The following RABGAP1L variants were observed in gnomAD, a reference collection of about 807,000 sequenced individuals.
The protein encoded by RABGAP1L is RAB GTPase activating protein 1 like.
In RABGAP1L, 63 loss-of-function variants were observed where a neutral mutation model predicts 137.7. That is an observed-to-expected ratio of 0.46 (90% confidence interval 0.37 to 0.56). The LOEUF (loss-of-function observed/expected upper bound fraction) is 0.56. Among genes scored for constraint, RABGAP1L ranks in the 20% least tolerant of loss-of-function variants. The pLI, the probability that RABGAP1L is intolerant of heterozygous loss-of-function variation, is 0.00. For missense variants in RABGAP1L, 1,095 were observed against 1,244.0 expected, an observed-to-expected ratio of 0.88 and a Z score of 1.80; for synonymous variants, 431 against 433.7, an observed-to-expected ratio of 0.99 and a Z score of 0.08.
chr1:174,689,705 A>C lies in RABGAP1L; in HGVS notation c.1899+6109A>C, dbSNP rs116413866. 9.2e-3 allele frequency among the ~76,000 whole-genome samples: 1,395 copies of C among 152,216 alleles called. 23 individuals carry two copies. Among genetic ancestry groups the C allele is most frequent in the African/African-American group, 0.032 (1,335 of 41,520 alleles). ...AAAGTGACACACAACAACACCACCA[A>C]CAACTCCCTCTGTTTTTCTTCCTGT... On this transcript the variant is annotated intron_variant, in intron 15 of 25. Coordinates refer to ENST00000681986, the MANE Select transcript of RABGAP1L (RefSeq NM_001366446.1).
At chr1:174,894,701 C>G in intron 19 of RABGAP1L, among the ~76,000 whole-genome samples, 1 of 151,780 alleles carries the variant, frequency 6.6e-6, no homozygotes, top group East Asian at 1.9e-4. Context: ...AGAGGACTGT[C>G]GAGACTAGAA....
chr1:174,836,272 A>G (rs1262321390), intron 19 of RABGAP1L, among the ~76,000 whole-genome samples: 2 of 152,110 alleles, frequency 1.3e-5, no homozygotes, highest in African/African-American at 4.8e-5. Flanking sequence ...GGAAGCTAAG[A>G]TGTTTGAGGT....
Position 174,729,666 on chromosome 1 carries a change from G to A in RABGAP1L, c.2170-22647G>A, listed in dbSNP as rs192358808. Among the ~76,000 whole-genome samples the A allele has an allele frequency of 6.6e-5, 10 of 152,206 alleles. No homozygotes were observed. The East Asian group carries it at 9.6e-4, about 15-fold the overall frequency. On this transcript the variant is annotated intron_variant, in intron 17 of 25. Coordinates refer to ENST00000681986, the MANE Select transcript of RABGAP1L (RefSeq NM_001366446.1). The stretch of plus-strand genomic sequence containing the variant: ...CATTTAAAAAATGGACAAAGGACAC[G>A]AACAGACACTTCTCAAAAGAAGACA...
intron 13 of RABGAP1L, among the ~76,000 whole-genome samples, chr1:174,445,729 G>A (rs570618828): frequency 3.9e-5 from 6 of 152,176 alleles, no homozygotes; most frequent in Non-Finnish European, 7.3e-5. Context: ...ATGAGCATTA[G>A]ATTACTGCTG....
At chr1:174,563,719 T>A (rs571156351) in intron 13 of RABGAP1L, among the ~76,000 whole-genome samples, 1 of 152,128 alleles carries the variant, frequency 6.6e-6, no homozygotes, top group Non-Finnish European at 1.5e-5. Flanking sequence ...GGAAAATGAT[T>A]TCACTTAATT....
chr1:174,305,875 CATTT>C (rs1678188622), intron 11 of RABGAP1L, among the ~76,000 whole-genome samples: 1 of 152,054 alleles, frequency 6.6e-6, no homozygotes, highest in Non-Finnish European at 1.5e-5. Flanking sequence ...ATTAACTCGT[CATTT>C]ATATTAGGTA....
chr1:174,744,785 A>G (rs976191417), intron 17 of RABGAP1L, among the ~76,000 whole-genome samples: 2 of 152,230 alleles, frequency 1.3e-5, no homozygotes, highest in African/African-American at 4.8e-5. Flanking sequence ...ACCAAATTCA[A>G]TATATAATCC....
chr1:174,622,821 T>A (rs573044511), intron 13 of RABGAP1L, among the ~76,000 whole-genome samples: 9 of 152,336 alleles, frequency 5.9e-5, no homozygotes, highest in South Asian at 2.1e-4. Context: ...AACCTGCACG[T>A]TGTGCACATG....
At position 174,377,414 on chromosome 1, in the gene RABGAP1L, A is replaced by G. The variant is rs532540480; in HGVS notation, c.1559+6342A>G. ...AGCCAAAACAATTTTGAAAGTGAAG[A>G]ACACAATGGAAAGGCATATTACCTG... On this transcript the variant is annotated intron_variant, in intron 12 of 25. Coordinates refer to ENST00000681986, the MANE Select transcript of RABGAP1L (RefSeq NM_001366446.1). Among the ~76,000 whole-genome samples, 298 of 152,306 alleles carry G rather than the reference A, an allele frequency of 2.0e-3. 1 individual carries two copies. Among genetic ancestry groups the G allele is most frequent in the African/African-American group, 6.8e-3 (282 of 41,572 alleles).
chr1:174,901,898 T>C (rs1268510449), intron 19 of RABGAP1L, among the ~76,000 whole-genome samples: 2 of 152,190 alleles, frequency 1.3e-5, no homozygotes, highest in Non-Finnish European at 2.9e-5. Flanking sequence ...GTTTTCTGTT[T>C]GTTTTTCTTT....
intron 13 of RABGAP1L, among the ~76,000 whole-genome samples, chr1:174,590,119 GTTTC>G (rs1669456273): frequency 3.6e-5 from 2 of 55,296 alleles, no homozygotes; most frequent in Non-Finnish European, 7.4e-5. Flanking sequence ...GACCTCTTCA[GTTTC>G]TTTTTTTTTT....
intron 19 of RABGAP1L, among the ~76,000 whole-genome samples, chr1:174,878,555 G>A (rs1653551085): frequency 6.6e-6 from 1 of 152,078 alleles, no homozygotes; most frequent in Admixed American, 6.6e-5. Flanking sequence ...TACAATTGTA[G>A]TAACTTCTTA....
At chr1:174,844,032 A>G (rs1693780987) in intron 19 of RABGAP1L, among the ~76,000 whole-genome samples, 1 of 149,636 alleles carries the variant, frequency 6.7e-6, no homozygotes, top group Non-Finnish European at 1.5e-5. Context: ...TCTTCTTTTG[A>G]GAAGTGTCTG....
intron 19 of RABGAP1L, among the ~76,000 whole-genome samples, chr1:174,813,704 T>C (rs1690108520): frequency 6.6e-6 from 1 of 152,236 alleles, no homozygotes; most frequent in Non-Finnish European, 1.5e-5. Context: ...CCTTCACGAC[T>C]GATTGTTTTA....
chr1:174,203,203 A>G (rs1228976812), intron 1 of RABGAP1L, among the ~76,000 whole-genome samples: 1 of 152,074 alleles, frequency 6.6e-6, no homozygotes, highest in African/African-American at 2.4e-5. Context: ...GAAATGGTCC[A>G]CCTTCAGTGT....
In RABGAP1L at chr1:174,225,654, C is replaced by T. The variant is rs546092244; in HGVS notation, c.331+4490C>T. 1.1e-4 allele frequency among the ~76,000 whole-genome samples: 16 copies of T among 152,218 alleles called. No homozygotes were observed. The South Asian group carries it at 2.9e-3, about 28-fold the overall frequency. ...TGCATACACAGTTTGCTAGTTTACA[C>T]GCAGAGTTAGGGGATTATCTTCTTC... On this transcript the variant is annotated intron_variant, in intron 3 of 25. Transcript: ENST00000681986.
chr1:174,625,529 C>G (rs1317011015), intron 13 of RABGAP1L, among the ~76,000 whole-genome samples: 1 of 152,036 alleles, frequency 6.6e-6, no homozygotes, highest in African/African-American at 2.4e-5. Flanking sequence ...GCCTCCTGGG[C>G]TCAAGTGATC....
chr1:174,459,593 T>C (rs942306132), intron 13 of RABGAP1L, among the ~76,000 whole-genome samples: 2 of 152,104 alleles, frequency 1.3e-5, no homozygotes, highest in African/African-American at 4.8e-5. Context: ...TATAATTAGT[T>C]GTATTGTTTA....
At chr1:174,166,979 A>G (rs1664965060) in intron 1 of RABGAP1L, among the ~76,000 whole-genome samples, 1 of 152,236 alleles carries the variant, frequency 6.6e-6, no homozygotes, top group Non-Finnish European at 1.5e-5. Flanking sequence ...TGGTTCTAAA[A>G]TAAATATGAA....
Sources: gnomAD v4.1 joint callset for allele counts (sites outside exome capture counted in the v4.1 genomes callset) on GRCh38, gnomAD v4.1.1 for gene constraint, MANE v1.5 for transcripts, NCBI Gene and HGNC (gene_info 2026-07-23, HGNC 2026-07-21) for gene names.